ADAM11: variants seen among roughly 807,000 people sequenced by gnomAD.
ADAM11 encodes the protein ADAM metallopeptidase domain 11, also known as disintegrin and metalloproteinase domain-containing protein 11.
A neutral mutation model predicts 119.1 loss-of-function variants in ADAM11; 49 were observed. The observed-to-expected ratio is 0.41, with a 90% CI of 0.33 to 0.52. ADAM11 has a LOEUF of 0.52. ADAM11 is among the 20% of genes least tolerant of loss of function. The pLI is 0.20. For synonymous variants in ADAM11, 364 were observed against 408.0 expected, an observed-to-expected ratio of 0.89 and a Z score of 1.30; for missense variants, 777 against 1,047.5, an observed-to-expected ratio of 0.74 and a Z score of 3.56.
In ADAM11 at chr17:44,771,743, T is replaced by A; in HGVS notation, c.468-13T>A. 1.9e-6 allele frequency: 3 copies of A among 1,612,964 alleles called. No individual in the cohort carries two copies. The highest frequency in any genetic ancestry group is 2.5e-6 in the Non-Finnish European group (3 of 1,179,478). On this transcript the variant is annotated splice_polypyrimidine_tract_variant and intron_variant, in intron 5 of 26. Coordinates refer to ENST00000200557, the MANE Select transcript of ADAM11 (RefSeq NM_002390.6). ...CCTGGGGACGGAGGGGAGCTGCGCCTCTCTCTCCACAGTGGGGTCTTCTCT... is the reference window on the plus strand; with the variant it reads ...CCTGGGGACGGAGGGGAGCTGCGCCACTCTCTCCACAGTGGGGTCTTCTCT...
rs1005399295 is a variant in ADAM11 at position 44,775,815 on chromosome 17, G to A, written c.1485+139G>A. ...TGGGGCAGGGCTTGATGCGAAGACAGCGCCAATGGGGAGCAAGGGGCGGGG... is the reference window on the plus strand; with the variant it reads ...TGGGGCAGGGCTTGATGCGAAGACAACGCCAATGGGGAGCAAGGGGCGGGG... On this transcript the variant is annotated intron_variant, in intron 17 of 26. Transcript: ENST00000200557. The surrounding 1 kb of genome is among the most constrained non-coding windows in gnomAD (Gnocchi z 7.5). 5.4e-6 allele frequency: 5 copies of A among 923,396 alleles called. No individual in the cohort carries two copies. The African/African-American group carries it at 6.7e-5, about 12-fold the overall frequency. The allele number at this position is 923,396 out of a possible 1,614,324, so 57.2% of individuals were successfully genotyped here.
intron 12 of ADAM11, 53 bp from the exon 13 acceptor site, chr17:44,774,439 G>T (rs1453561196): frequency 3.1e-6 from 5 of 1,592,072 alleles, no homozygotes; most frequent in Non-Finnish European, 4.3e-6. Flanking sequence ...TCAGGGGCAC[G>T]ACGTGCCTGT....
At position 44,772,370 on chromosome 17, in the gene ADAM11, G is replaced by T; in HGVS notation, c.611-29G>T. 6.3e-7 allele frequency: 1 copy of T among 1,579,838 alleles called. No individual in the cohort carries two copies. Among genetic ancestry groups the T allele is most frequent in the East Asian group, 2.3e-5 (1 of 43,342 alleles). ...AAGGGGGGGTGGGGAGGGGCCGGCT[G>T]TGCCCCCCTCACCTGCCCCTCCCCA... is the stretch of plus-strand genomic sequence containing the variant. On this transcript the variant is annotated intron_variant, in intron 7 of 26. Coordinates refer to ENST00000200557, the MANE Select transcript of ADAM11 (RefSeq NM_002390.6). The surrounding 1 kb of genome is among the most constrained non-coding windows in gnomAD (Gnocchi z 4.5).
At position 44,759,044 on chromosome 17, in the gene ADAM11, C is replaced by T. The variant is rs944648655; in HGVS notation, c.-156C>T. The stretch of plus-strand genomic sequence containing the variant: ...GCGGCCGGAGCGCGCTGAGCCCCGG[C>T]GCCGTCCCTGCCGCCCCCACCTCTC... On this transcript the variant is annotated 5_prime_UTR_variant, in exon 1 of 27. Coordinates refer to ENST00000200557, the MANE Select transcript of ADAM11 (RefSeq NM_002390.6). The T allele has an allele frequency of 1.4e-4, 29 of 203,512 alleles. 1 individual carries two copies. Among genetic ancestry groups the T allele is most frequent in the Admixed American group, 3.1e-4 (5 of 15,994 alleles). The allele number at this position is 203,512 out of a possible 1,614,324, so 12.6% of individuals were successfully genotyped here.
rs573747092 is a variant in ADAM11 at position 44,766,089 on chromosome 17, A to G, written c.238-3629A>G. The stretch of plus-strand genomic sequence containing the variant: ...GGTCGCCCACCTGAAAAGCCAAATC[A>G]GTGATCAAAGAAGTGTATGTCTACT... On this transcript the variant is annotated intron_variant, in intron 2 of 26. Coordinates refer to ENST00000200557, the MANE Select transcript of ADAM11 (RefSeq NM_002390.6). Among the ~76,000 whole-genome samples, 3 of 152,322 alleles carry G rather than the reference A, an allele frequency of 2.0e-5. No homozygotes were observed. The South Asian group carries it at 6.2e-4, about 32-fold the overall frequency.
chr17:44,766,149 A>C (rs2049447727), intron 2 of ADAM11, among the ~76,000 whole-genome samples: 1 of 152,194 alleles, frequency 6.6e-6, no homozygotes, highest in African/African-American at 2.4e-5. Context: ...AGGGCGCCAG[A>C]GCCCTGCATG....
chr17:44,781,584 T>C lies in ADAM11; in HGVS notation c.*1830T>C, dbSNP rs2049694653. ...GTGAATACCTCTGCACATATGGGCG[T>C]ATCTGTGTGTGCTCGTGTATATGGG... On this transcript the variant is annotated 3_prime_UTR_variant, in exon 27 of 27. Coordinates refer to ENST00000200557, the MANE Select transcript of ADAM11 (RefSeq NM_002390.6). The C allele has an allele frequency of 6.6e-6, 1 of 152,304 alleles. No individual in the cohort carries two copies. Among genetic ancestry groups the C allele is most frequent in the Admixed American group, 6.5e-5 (1 of 15,288 alleles). 9.4% of individuals were successfully genotyped at this position (152,304 alleles called of 1,614,324 possible). A position where few individuals can be genotyped will look rare whatever the true frequency, so the allele number is the denominator to read the frequency against.
At chr17:44,761,626 G>T (rs1567686651) in intron 2 of ADAM11, among the ~76,000 whole-genome samples, 1 of 152,088 alleles carries the variant, frequency 6.6e-6, no homozygotes, top group Non-Finnish European at 1.5e-5. Context: ...CTCCAATTTT[G>T]GGGTCTCTCT....
intron 2 of ADAM11, among the ~76,000 whole-genome samples, chr17:44,764,522 T>C (rs1405418422): frequency 6.6e-6 from 1 of 152,094 alleles, no homozygotes; most frequent in Non-Finnish European, 1.5e-5. Context: ...AGGATTTTGC[T>C]GGGCCCAGCT....
intron 2 of ADAM11, among the ~76,000 whole-genome samples, chr17:44,763,811 G>T (rs943700243): frequency 6.6e-6 from 1 of 152,032 alleles, no homozygotes; most frequent in African/African-American, 2.4e-5. Context: ...CTGCCTCCCG[G>T]GTTCAAGTGA....
chr17:44,778,260 C>T lies in ADAM11; in HGVS notation c.2276+18C>T, dbSNP rs375677517. 3 of 1,602,540 alleles carry T rather than the reference C, an allele frequency of 1.9e-6. No homozygotes were observed. Among genetic ancestry groups the T allele is most frequent in the East Asian group, 2.2e-5 (1 of 44,482 alleles). ...GGATTTAAGTAAGAGACACACACACCCTGTGCCCCCTGGCATCCTTGAGGG... is the reference window on the plus strand; with the variant it reads ...GGATTTAAGTAAGAGACACACACACTCTGTGCCCCCTGGCATCCTTGAGGG... On this transcript the variant is annotated intron_variant, in intron 25 of 26. Coordinates refer to ENST00000200557, the MANE Select transcript of ADAM11 (RefSeq NM_002390.6).
chr17:44,765,314 C>G (rs980897489), intron 2 of ADAM11, among the ~76,000 whole-genome samples: 5 of 152,122 alleles, frequency 3.3e-5, no homozygotes, highest in East Asian at 1.9e-4. Flanking sequence ...CCACCTGGCC[C>G]ACAAGGTGGT....
chr17:44,759,474 G>T, intron 1 of ADAM11: 1 of 1,251,808 alleles, frequency 8.0e-7, no homozygotes, highest in Non-Finnish European at 1.0e-6. Flanking sequence ...GCCGCCGACC[G>T]GCCAGCTCTG....
chr17:44,781,505 A>G lies in ADAM11; in HGVS notation c.*1751A>G, dbSNP rs2049693529. The stretch of plus-strand genomic sequence containing the variant: ...CTGTCCTCTGGTGGTGCACCCGTGC[A>G]CACAGGTACAGTGCATCTGGGCACA... On this transcript the variant is annotated 3_prime_UTR_variant, in exon 27 of 27. Transcript: ENST00000200557. The G allele has an allele frequency of 6.6e-6, 1 of 152,330 alleles. No individual in the cohort carries two copies. The highest frequency in any genetic ancestry group is 2.1e-4 in the South Asian group (1 of 4,832). The allele number at this position is 152,330 out of a possible 1,614,324, so 9.4% of individuals were successfully genotyped here. A position where few individuals can be genotyped will look rare whatever the true frequency, so the allele number is the denominator to read the frequency against.
Position 44,779,844 on chromosome 17 carries a change from T to C in ADAM11, c.*90T>C. On this transcript the variant is annotated 3_prime_UTR_variant, in exon 27 of 27. Coordinates refer to ENST00000200557, the MANE Select transcript of ADAM11 (RefSeq NM_002390.6). Reference sequence around the variant, plus strand: ...CATCCAGCCACGGAGGGAGGCACCATGCAAATGTCTTCCAGGTCCAAACCC... The same window carrying C: ...CATCCAGCCACGGAGGGAGGCACCACGCAAATGTCTTCCAGGTCCAAACCC... 3 of 1,535,316 alleles carry C rather than the reference T, an allele frequency of 2.0e-6. No homozygotes were observed. The highest frequency in any genetic ancestry group is 1.8e-6 in the Non-Finnish European group (2 of 1,113,016).
rs1243354374 is a variant in ADAM11, at chr17:44,772,954, G to A, written c.753+23G>A. On this transcript the variant is annotated intron_variant, in intron 9 of 26. Coordinates refer to ENST00000200557, the MANE Select transcript of ADAM11 (RefSeq NM_002390.6). This position sits in a 1 kb window ranked among gnomAD's most constrained non-coding sequence, Gnocchi z 4.5. ...CTGGTGAGTGCCAGGGCAGGGACAG[G>A]GCGTGACACTGGGAGGCCCCTGAGG... is the stretch of plus-strand genomic sequence containing the variant. 3.1e-6 allele frequency: 5 copies of A among 1,614,122 alleles called. No homozygotes were observed. The highest frequency in any genetic ancestry group is 1.1e-5 in the South Asian group (1 of 91,084).
In ADAM11 at chr17:44,779,213, C is replaced by T. The variant is rs561399973; in HGVS notation, c.2277-9C>T. The T allele has an allele frequency of 1.6e-5, 25 of 1,588,800 alleles. No homozygotes were observed. The highest frequency in any genetic ancestry group is 2.1e-5 in the Non-Finnish European group (24 of 1,170,374). Reference sequence around the variant, plus strand: ...TTTCCTCTCCCCTTCCACCATCCTCCCCCTGCAGAAACATTCGCCGAGGAA... The same window carrying T: ...TTTCCTCTCCCCTTCCACCATCCTCTCCCTGCAGAAACATTCGCCGAGGAA... On this transcript the variant is annotated splice_polypyrimidine_tract_variant and intron_variant, in intron 25 of 26. Transcript: ENST00000200557.
At chr17:44,768,559 G>A (rs1004439839) in intron 2 of ADAM11, among the ~76,000 whole-genome samples, 20 of 152,182 alleles carry the variant, frequency 1.3e-4, no homozygotes, top group African/African-American at 4.8e-4. Flanking sequence ...CCTTTCAGAT[G>A]GGAATGGCAG....
Position 44,774,335 on chromosome 17 carries a change from G to A in ADAM11, c.1033G>A (p.Val345Met), listed in dbSNP as rs777900903. The A allele has an allele frequency of 4.7e-6, 7 of 1,481,188 alleles. No individual in the cohort carries two copies. Among genetic ancestry groups the A allele is most frequent in the South Asian group, 4.1e-5 (3 of 73,062 alleles). 91.8% of individuals were successfully genotyped at this position (1,481,188 alleles called of 1,614,324 possible). A position where few individuals can be genotyped will look rare whatever the true frequency, so the allele number is the denominator to read the frequency against. ...GAGCACGAGCAGCGGGGCAGCCTAC[G>A]TGGGGGGCATATGCTCCCTGTCCCA... is the stretch of plus-strand genomic sequence containing the variant. The part of the protein sequence containing the change: ...FQSTSSGAAY[V>M]GGICSLSHGG... Residue 345 changes from valine (V) to methionine (M), a missense_variant, in exon 12 of 27, where the codon GTG (valine) becomes ATG (methionine). Val to Met is a conservative substitution (Grantham distance 21, BLOSUM62 1). Transcript: ENST00000200557.
Sources: gnomAD v4.1 joint callset for allele counts (sites outside exome capture counted in the v4.1 genomes callset) on GRCh38, gnomAD v4.1.1 for gene constraint, Gnocchi (gnomAD v3.1) non-coding constraint, MANE v1.5 for transcripts, NCBI Gene and HGNC (gene_info 2026-07-23, HGNC 2026-07-21) for gene names.